The following APC variants were observed in gnomAD, a reference collection of about 807,000 sequenced individuals.
The protein encoded by APC is APC regulator of Wnt signaling pathway.
A neutral mutation model predicts 247.0 loss-of-function variants in APC; 72 were observed. The ratio of observed to expected loss-of-function variants is 0.29; its 90% confidence interval spans 0.24 to 0.35. The LOEUF is 0.35. Ranked by LOEUF, APC falls within the 10% of genes least tolerant of loss-of-function variation. The pLI is 1.00. For missense variants in APC, 3,400 were observed against 3,360.7 expected (o/e 1.01, Z -0.29); for synonymous variants, 1,254 against 1,162.5 (o/e 1.08, Z -1.60).
In APC at chr5:112,826,174, C is replaced by T. The variant is rs79511526; in HGVS notation, c.1409-934C>T. Among the ~76,000 whole-genome samples, 1 of 152,180 alleles carries T rather than the reference C, an allele frequency of 6.6e-6. No homozygotes were observed. Among genetic ancestry groups the T allele is most frequent in the Non-Finnish European group, 1.5e-5 (1 of 68,028 alleles). ...TTAAAAATATTAACGTACTGGCTGT[C>T]TTGCAGATGAATGACCTAATTAGAC... On this transcript the variant is annotated intron_variant, in intron 11 of 15. Transcript: ENST00000257430.
intron 1 of APC, among the ~76,000 whole-genome samples, chr5:112,747,224 A>C (rs1275019713): frequency 1.5e-5 from 2 of 133,838 alleles, no homozygotes; most frequent in Admixed American, 1.6e-4. Context: ...ATACAGAGGC[A>C]TAGGACCTTT....
chr5:112,812,526 C>G (rs1054172465), intron 8 of APC, among the ~76,000 whole-genome samples: 2 of 152,160 alleles, frequency 1.3e-5, no homozygotes, highest in African/African-American at 4.8e-5. Flanking sequence ...TCTTCTGACC[C>G]TTGCTTATGC....
chr5:112,726,901 AT>A (rs552104810), intron 1 of APC, among the ~76,000 whole-genome samples: 1 of 152,278 alleles, frequency 6.6e-6, no homozygotes, highest in South Asian at 2.1e-4. Context: ...AGGGAATTAC[AT>A]TTATTAGATT....
At chr5:112,746,062 A>G (rs1296360831) in intron 1 of APC, among the ~76,000 whole-genome samples, 1 of 152,178 alleles carries the variant, frequency 6.6e-6, no homozygotes, top group Non-Finnish European at 1.5e-5. Context: ...ATCAGTGAGA[A>G]AAGATACCTT....
At position 112,732,165 on chromosome 5, in the gene APC, G is replaced by C. The variant is rs775856377; in HGVS notation, c.165+24283G>C. Among the ~76,000 whole-genome samples, 417 of 152,324 alleles carry C rather than the reference G, an allele frequency of 2.7e-3. 1 individual carries two copies. The highest frequency in any genetic ancestry group is 5.3e-3 in the Non-Finnish European group (358 of 68,030). The stretch of plus-strand genomic sequence containing the variant: ...AAAGCTTTTTGACAGGAAGAAGTAA[G>C]TTTCTTTCTCCTGTAAGCAAGTCCT... On this transcript the variant is annotated intron_variant, in intron 1 of 13. Transcript: ENST00000507379.
At chr5:112,719,475 G>T (rs973640101) in intron 1 of APC, among the ~76,000 whole-genome samples, 16 of 151,140 alleles carry the variant, frequency 1.1e-4, no homozygotes, top group Non-Finnish European at 2.4e-4. Flanking sequence ...CACCCACCTT[G>T]GCCTCCCAGA....
chr5:112,717,859 A>C (rs955464727), intron 1 of APC, among the ~76,000 whole-genome samples: 45 of 117,930 alleles, frequency 3.8e-4, no homozygotes, highest in African/African-American at 1.2e-3. Context: ...TTAGTATGTT[A>C]GGCCTTCTTA....
chr5:112,825,075 T>G (rs931947115), intron 11 of APC, among the ~76,000 whole-genome samples: 1 of 152,166 alleles, frequency 6.6e-6, no homozygotes, highest in Non-Finnish European at 1.5e-5. Flanking sequence ...TCCCTGAATC[T>G]CTTATCTTTT....
At chr5:112,768,644 G>A (rs762329193) in intron 4 of APC, among the ~76,000 whole-genome samples, 45 of 150,596 alleles carry the variant, frequency 3.0e-4, no homozygotes, top group Non-Finnish European at 3.2e-4. Context: ...TTATTTCTTC[G>A]TGTTAGGAAC....
chr5:112,773,779 C>G (rs868815982), intron 4 of APC, among the ~76,000 whole-genome samples: 1 of 152,048 alleles, frequency 6.6e-6, no homozygotes, highest in Non-Finnish European at 1.5e-5. Context: ...AAAGCACTAT[C>G]ATTTTTAATA....
At chr5:112,803,970 C>G (rs1046002818) in intron 8 of APC, among the ~76,000 whole-genome samples, 3 of 152,196 alleles carry the variant, frequency 2.0e-5, no homozygotes, top group African/African-American at 7.2e-5. Context: ...ATGTTGCTTA[C>G]TCTTCCAAGA....
intron 1 of APC, among the ~76,000 whole-genome samples, chr5:112,752,041 TC>T (rs1312110903): frequency 6.6e-6 from 1 of 152,120 alleles, no homozygotes; most frequent in African/African-American, 2.4e-5. Context: ...AGTGACTTTT[TC>T]ATTGTAAATT....
At chr5:112,727,880 TA>T (rs1172059682) in intron 1 of APC, among the ~76,000 whole-genome samples, 1 of 151,664 alleles carries the variant, frequency 6.6e-6, no homozygotes, top group East Asian at 1.9e-4. Context: ...GTCAAAGTAT[TA>T]AAAAAAATTG....
At chr5:112,745,336 T>C (rs929055337) in intron 1 of APC, among the ~76,000 whole-genome samples, 1 of 151,992 alleles carries the variant, frequency 6.6e-6, no homozygotes, top group African/African-American at 2.4e-5. Context: ...GAGACAGATC[T>C]TTGAAGTATC....
chr5:112,831,583 A>G (rs901326844), intron 14 of APC, among the ~76,000 whole-genome samples: 5 of 152,144 alleles, frequency 3.3e-5, no homozygotes, highest in African/African-American at 1.2e-4. Flanking sequence ...AACTTCAGCT[A>G]CTAATGAGCA....
At chr5:112,734,316 A>G (rs1430205876), upstream of APC, among the ~76,000 whole-genome samples, 1 of 152,184 alleles carries the variant, frequency 6.6e-6, no homozygotes, top group Non-Finnish European at 1.5e-5. Flanking sequence ...CCATTGTAAC[A>G]TTTCACCTCG....
At chr5:112,713,038 G>A (rs1750949247) in intron 1 of APC, among the ~76,000 whole-genome samples, 1 of 152,068 alleles carries the variant, frequency 6.6e-6, no homozygotes, top group South Asian at 2.1e-4. Context: ...GGGTATGGTG[G>A]CAGGCGCCTG....
chr5:112,818,944 T>C (rs1229188078), intron 9 of APC, 22 bp from the exon 10 acceptor site: 1 of 1,613,290 alleles, frequency 6.2e-7, no homozygotes, highest in East Asian at 2.2e-5. Flanking sequence ...TAATTTTGTT[T>C]CTAAACTCAT....
At position 112,837,718 on chromosome 5, in the gene APC, G is replaced by A. The variant is rs1454608873; in HGVS notation, c.2124G>A (p.Lys708=). The change falls in exon 16 of 16, where the codon AAG becomes AAA. Residue 708 remains lysine (K), a synonymous_variant. Coordinates refer to ENST00000257430, the MANE Select transcript of APC (RefSeq NM_000038.6). ...ACATGGGGGCAGTTAGCATGCTCAAGAACCTCATTCATTCAAAGCACAAAA... is the reference window on the plus strand; with the variant it reads ...ACATGGGGGCAGTTAGCATGCTCAAAAACCTCATTCATTCAAAGCACAAAA... ...LWDMGAVSML[K]NLIHSKHKMI... is the part of the protein sequence containing the mutation. The A allele has an allele frequency of 3.7e-6, 6 of 1,614,156 alleles. No homozygotes were observed. The South Asian group carries it at 4.4e-5, about 12-fold the overall frequency.
Sources: gnomAD v4.1 joint callset for allele counts (sites outside exome capture counted in the v4.1 genomes callset) on GRCh38, gnomAD v4.1.1 for gene constraint, MANE v1.5 for transcripts, NCBI Gene and HGNC (gene_info 2026-07-23, HGNC 2026-07-21) for gene names.